The following CFAP206 variants were observed in gnomAD, a reference collection of about 807,000 sequenced individuals.
The protein encoded by CFAP206 is cilia and flagella associated protein 206.
A neutral mutation model predicts 65.4 loss-of-function variants in CFAP206; 53 were observed. The ratio of observed to expected loss-of-function variants is 0.81; its 90% confidence interval spans 0.65 to 1.02. The LOEUF is 1.02. Ranked by LOEUF, CFAP206 falls within the 50% of genes least tolerant of loss-of-function variation. The probability of loss-of-function intolerance (pLI) is 0.00; values close to 1 mark genes in which losing one functional copy is unlikely to be tolerated. For missense variants in CFAP206, 663 were observed against 753.2 expected (o/e 0.88, Z 1.40); for synonymous variants, 250 against 254.4 (o/e 0.98, Z 0.17).
chr6:87,457,149 C>CAAAAAAAAAAAAAAAAAAAA (rs56842848), intron 11 of CFAP206, among the ~76,000 whole-genome samples: 1 of 115,918 alleles, frequency 8.6e-6, no homozygotes, highest in Non-Finnish European at 1.8e-5. Flanking sequence ...GACAACCTCT[C>CAAAAAAAAAAAAAAAAAAAA]AAAAAAAAAA....
At chr6:87,455,455 G>A (rs567455251) in intron 11 of CFAP206, among the ~76,000 whole-genome samples, 3 of 151,426 alleles carry the variant, frequency 2.0e-5, no homozygotes, top group South Asian at 4.2e-4. Context: ...AGAAAAGCAA[G>A]AGCAAACCAC....
intron 11 of CFAP206, among the ~76,000 whole-genome samples, chr6:87,454,556 C>G (rs1466852457): frequency 6.6e-6 from 1 of 151,948 alleles, no homozygotes; most frequent in Admixed American, 6.6e-5. Context: ...TGGAATAAAA[C>G]TAGAAATTGG....
intron 11 of CFAP206, among the ~76,000 whole-genome samples, chr6:87,453,195 GA>G (rs993023392): frequency 2.0e-5 from 3 of 151,150 alleles, no homozygotes; most frequent in African/African-American, 7.3e-5. Context: ...AGTGCTGAAG[GA>G]AAAAAAAATT....
At position 87,409,859 on chromosome 6, in the gene CFAP206, A is replaced by G; in HGVS notation, c.20A>G (p.Glu7Gly). 6.2e-7 allele frequency: 1 copy of G among 1,612,192 alleles called. No individual in the cohort carries two copies. The highest frequency in any genetic ancestry group is 8.5e-7 in the Non-Finnish European group (1 of 1,179,364). The change falls in exon 2 of 13, where the codon GAA (glutamate) becomes GGA (glycine). Residue 7 changes from glutamate (E) to glycine (G), a missense_variant. Physicochemically the swap from Glu to Gly is moderately conservative, Grantham distance 98. Coordinates refer to ENST00000369562, the MANE Select transcript of CFAP206 (RefSeq NM_001031743.3). ...GCCAGAATGCCTCCAACTCAGGCCG[A>G]AAGTGTTATAAGGAGTATTATACGA... MPPTQAESVIRSIIREI... is the reference protein window; with the variant it reads MPPTQAGSVIRSIIREI...
intron 3 of CFAP206, 141 bp from the exon 4 acceptor site, chr6:87,413,669 G>T: frequency 3.8e-6 from 2 of 523,550 alleles, no homozygotes; most frequent in African/African-American, 2.1e-5. Context: ...TCCTCAAGGA[G>T]AAAAAAAAAA....
At chr6:87,418,076 C>A in intron 6 of CFAP206, 132 bp from the exon 7 acceptor site, 1 of 780,666 alleles carries the variant, frequency 1.3e-6, no homozygotes, top group Non-Finnish European at 2.1e-6. Flanking sequence ...GAAACACATG[C>A]CTCATTATTA....
Position 87,416,709 on chromosome 6 carries a change from A to T in CFAP206, c.513A>T (p.Thr171=). Residue 171 remains threonine, a synonymous_variant, in exon 6 of 13, where the codon ACA becomes ACT. Coordinates refer to ENST00000369562, the MANE Select transcript of CFAP206 (RefSeq NM_001031743.3). ...QSVFPQAELG[T]FLTLSKKDKE... Reference sequence around the variant, plus strand: ...TTTTTCCTCAGGCAGAGCTTGGGACATTTCTAACTCTTTCTAAGAAGGACA... The same window carrying T: ...TTTTTCCTCAGGCAGAGCTTGGGACTTTTCTAACTCTTTCTAAGAAGGACA... 6.2e-7 allele frequency: 1 copy of T among 1,612,488 alleles called. No individual in the cohort carries two copies. Among genetic ancestry groups the T allele is most frequent in the South Asian group, 1.1e-5 (1 of 90,950 alleles).
intron 5 of CFAP206, 66 bp from the exon 6 acceptor site, chr6:87,416,603 A>G: frequency 7.0e-7 from 1 of 1,433,850 alleles, no homozygotes; most frequent in Non-Finnish European, 9.4e-7. Flanking sequence ...GAAAAACGTT[A>G]TTTAACGTCT....
chr6:87,461,665 C>A (rs1190142553), intron 12 of CFAP206, among the ~76,000 whole-genome samples: 1 of 149,768 alleles, frequency 6.7e-6, no homozygotes, highest in Admixed American at 6.9e-5. Context: ...ACCATCCCCT[C>A]TTTATGGTAT....
intron 10 of CFAP206, among the ~76,000 whole-genome samples, chr6:87,434,242 A>C (rs1768211859): frequency 6.6e-6 from 1 of 152,092 alleles, no homozygotes; most frequent in Non-Finnish European, 1.5e-5. Flanking sequence ...TCTCTACAAA[A>C]AAGGTTAGCT....
At chr6:87,434,759 A>G (rs1304922949) in intron 10 of CFAP206, 101 bp from the exon 11 acceptor site, 3 of 668,838 alleles carry the variant, frequency 4.5e-6, no homozygotes, top group Non-Finnish European at 7.2e-6. Context: ...TGGCCTCCCA[A>G]AGTGCTGGAA....
chr6:87,422,460 A>G (rs1161968545), intron 7 of CFAP206, among the ~76,000 whole-genome samples: 1 of 149,722 alleles, frequency 6.7e-6, no homozygotes. Context: ...CGAAAAAAAA[A>G]AAAAAAAAAG....
At chr6:87,450,325 A>AGC (rs1768518105) in intron 11 of CFAP206, among the ~76,000 whole-genome samples, 3 of 152,040 alleles carry the variant, frequency 2.0e-5, no homozygotes, top group African/African-American at 4.8e-5. Flanking sequence ...TATGAATTTT[A>AGC]GGATTGTTTT....
intron 11 of CFAP206, among the ~76,000 whole-genome samples, chr6:87,460,146 T>C (rs1270205573): frequency 1.3e-5 from 2 of 152,226 alleles, no homozygotes; most frequent in Admixed American, 1.3e-4. Context: ...CCCTCCTTTT[T>C]ACTGTGACCT....
chr6:87,426,419 A>AT (rs1768044419), intron 7 of CFAP206, 107 bp from the exon 8 acceptor site: 2 of 768,484 alleles, frequency 2.6e-6, no homozygotes, highest in Non-Finnish European at 3.9e-6. Flanking sequence ...TCCTGCTGTC[A>AT]TTGAGCCTAC....
In CFAP206 at chr6:87,418,291, C is replaced by T. The variant is rs149134342; in HGVS notation, c.715C>T (p.Arg239Cys). The T allele has an allele frequency of 5.7e-4, 913 of 1,614,042 alleles. 3 individuals are homozygous for T. The African/African-American group carries it at 0.011, about 19-fold the overall frequency. Residue 239 changes from arginine to cysteine, a missense_variant, in exon 7 of 13, where the codon CGC (arginine) becomes TGC (cysteine). By Grantham distance (180) the Arg-to-Cys change is radical. Coordinates refer to ENST00000369562, the MANE Select transcript of CFAP206 (RefSeq NM_001031743.3). ...QLETARSQVYRYTAILEKAAN... is the reference protein window; with the variant it reads ...QLETARSQVYCYTAILEKAAN... ...TGAGACTGCCCGGAGCCAGGTATAC[C>T]GCTACACAGCCATCCTTGAGAAGGC...
intron 7 of CFAP206, among the ~76,000 whole-genome samples, chr6:87,425,531 G>C (rs1284662476): frequency 6.6e-6 from 1 of 152,078 alleles, no homozygotes; most frequent in Non-Finnish European, 1.5e-5. Context: ...GAAATAAATG[G>C]TTTACAAGGT....
rs1172950252 is a variant in CFAP206, at chr6:87,426,633, A to G, written c.948A>G (p.Thr316=). Reference sequence around the variant, plus strand: ...TAAAATCAAAGATAGCGGTCCCAACATCACAAGTCTTTGTAAGTATTTGTC... The same window carrying G: ...TAAAATCAAAGATAGCGGTCCCAACGTCACAAGTCTTTGTAAGTATTTGTC... ...MTIKSKIAVP[T]SQVFPIFIAL... The change falls in exon 8 of 13, where the codon ACA becomes ACG. Residue 316 remains threonine, a synonymous_variant. Transcript: ENST00000369562. 3.8e-6 allele frequency: 6 copies of G among 1,582,912 alleles called. No individual in the cohort carries two copies. The highest frequency in any genetic ancestry group is 2.3e-5 in the East Asian group (1 of 43,736).
chr6:87,432,856 T>G (rs78022521), intron 10 of CFAP206, among the ~76,000 whole-genome samples: 3,015 of 152,356 alleles, frequency 0.02, 41 homozygotes, highest in Non-Finnish European at 0.031. Flanking sequence ...TTCTACTTCA[T>G]TATTTTCTGG....
Sources: gnomAD v4.1 joint callset for allele counts (sites outside exome capture counted in the v4.1 genomes callset) on GRCh38, gnomAD v4.1.1 for gene constraint, MANE v1.5 for transcripts, NCBI Gene and HGNC (gene_info 2026-07-23, HGNC 2026-07-21) for gene names.